NPAS3: variants seen among roughly 807,000 people sequenced by gnomAD.
NPAS3 encodes the protein neuronal PAS domain-containing protein 3.
A neutral mutation model predicts 73.1 loss-of-function variants in NPAS3; 14 were observed. That is an observed-to-expected ratio of 0.19 (90% CI 0.13 to 0.30). The LOEUF (loss-of-function observed/expected upper bound fraction) is 0.30. NPAS3 is among the 10% of genes least tolerant of loss of function. The pLI is 1.00. For missense variants in NPAS3, 1,096 were observed against 1,250.0 expected (o/e 0.88, Z 1.86); for synonymous variants, 620 against 541.5 (o/e 1.14, Z -2.01).
intron 2 of NPAS3, among the ~76,000 whole-genome samples, chr14:33,092,314 A>G (rs575927606): frequency 6.6e-6 from 1 of 152,314 alleles, no homozygotes; most frequent in East Asian, 1.9e-4. Context: ...GAGCATTCTT[A>G]TACACTAATA....
At chr14:33,213,745 AC>A (rs2047120436) in intron 2 of NPAS3, 12 of 152,238 alleles carry the variant, frequency 7.9e-5, no homozygotes, top group Admixed American at 5.9e-4. Flanking sequence ...TCTGAGAAAG[AC>A]ATTTGTTAGC....
chr14:33,228,290 T>C (rs567577058), intron 3 of NPAS3, among the ~76,000 whole-genome samples: 3 of 152,324 alleles, frequency 2.0e-5, no homozygotes, highest in Admixed American at 2.0e-4. Flanking sequence ...ATTTGAAGCA[T>C]TTCTTAGATG....
At chr14:33,134,948 G>A (rs1184052202) in intron 2 of NPAS3, among the ~76,000 whole-genome samples, 1 of 151,906 alleles carries the variant, frequency 6.6e-6, no homozygotes, top group African/African-American at 2.4e-5. Flanking sequence ...CCAACTTTTA[G>A]TTTCAGTGTT....
At chr14:33,497,246 T>C (rs981904696) in intron 4 of NPAS3, among the ~76,000 whole-genome samples, 1 of 152,080 alleles carries the variant, frequency 6.6e-6, no homozygotes, top group African/African-American at 2.4e-5. Flanking sequence ...ATAGGAAGAA[T>C]CAATATCATG....
chr14:33,524,597 A>T (rs2053709795), intron 4 of NPAS3, among the ~76,000 whole-genome samples: 1 of 152,188 alleles, frequency 6.6e-6, no homozygotes, highest in African/African-American at 2.4e-5. Flanking sequence ...TAATAGAAAG[A>T]TGAAATCTGT....
intron 3 of NPAS3, among the ~76,000 whole-genome samples, chr14:33,337,490 C>A (rs572041559): frequency 6.6e-6 from 1 of 152,066 alleles, no homozygotes; most frequent in South Asian, 2.1e-4. Context: ...GATTTCTGTA[C>A]CTTTATAGTA....
intron 2 of NPAS3, among the ~76,000 whole-genome samples, chr14:33,078,216 C>T (rs567318475): frequency 7.2e-4 from 110 of 152,096 alleles, no homozygotes; most frequent in African/African-American, 2.1e-3. Context: ...ACTTGCCTGA[C>T]GGAACTGCGG....
chr14:32,961,449 C>T (rs1458356363), intron 1 of NPAS3, among the ~76,000 whole-genome samples: 2 of 151,246 alleles, frequency 1.3e-5, no homozygotes, highest in Admixed American at 6.6e-5. Context: ...GAATTCATAT[C>T]GGATTGTAGT....
intron 3 of NPAS3, among the ~76,000 whole-genome samples, chr14:33,254,262 C>A (rs1275443280): frequency 6.6e-6 from 1 of 152,038 alleles, no homozygotes; most frequent in Non-Finnish European, 1.5e-5. Context: ...GGATTTCTGT[C>A]CTGTCTGTCC....
intron 1 of NPAS3, among the ~76,000 whole-genome samples, chr14:33,044,165 G>A (rs140455351): frequency 0.014 from 2,059 of 152,258 alleles, 24 homozygotes; most frequent in South Asian, 0.024. Flanking sequence ...GGAGGCCAAC[G>A]TTAACTATAA....
intron 2 of NPAS3, among the ~76,000 whole-genome samples, chr14:33,098,086 A>G (rs1268554055): frequency 1.3e-5 from 2 of 152,192 alleles, no homozygotes; most frequent in Non-Finnish European, 2.9e-5. Flanking sequence ...TAGCATCATG[A>G]AGATGTTTAC....
rs117348963 is a variant in NPAS3 at position 33,170,618 on chromosome 14, G to A, written c.141-44564G>A. On this transcript the variant is annotated intron_variant, in intron 2 of 11. Coordinates refer to ENST00000356141, the Ensembl canonical transcript of NPAS3. Reference sequence around the variant, plus strand: ...ATCCTGCTGCTGCTTTATTAATTAAGTTTGTTATTTGTTGTCACTTCAACA... The same window carrying A: ...ATCCTGCTGCTGCTTTATTAATTAAATTTGTTATTTGTTGTCACTTCAACA... Among the ~76,000 whole-genome samples, 144 of 152,288 alleles carry A rather than the reference G, an allele frequency of 9.5e-4. No individual in the cohort carries two copies. The East Asian group carries it at 0.02, about 21-fold the overall frequency.
chr14:33,733,555 G>C (rs2061450813), intron 6 of NPAS3, among the ~76,000 whole-genome samples: 1 of 152,188 alleles, frequency 6.6e-6, no homozygotes. Flanking sequence ...GATTGGATTA[G>C]AGGGGCAAAT....
chr14:33,575,211 G>A (rs377726967), intron 5 of NPAS3, among the ~76,000 whole-genome samples: 3 of 152,308 alleles, frequency 2.0e-5, no homozygotes, highest in Admixed American at 2.0e-4. Flanking sequence ...AACCACTGCT[G>A]TATGGTCTCC....
chr14:33,278,048 G>A (rs575060809), intron 3 of NPAS3, among the ~76,000 whole-genome samples: 3 of 143,828 alleles, frequency 2.1e-5, no homozygotes, highest in South Asian at 4.2e-4. Context: ...TGAAATTCAG[G>A]TTATATTTTG....
chr14:33,360,297 T>G (rs1448603041), intron 3 of NPAS3, among the ~76,000 whole-genome samples: 1 of 151,490 alleles, frequency 6.6e-6, no homozygotes, highest in Non-Finnish European at 1.5e-5. Context: ...TTCTTTATTC[T>G]GAAGTCGCTT....
At chr14:33,148,251 C>T (rs887659143) in intron 2 of NPAS3, among the ~76,000 whole-genome samples, 1 of 152,112 alleles carries the variant, frequency 6.6e-6, no homozygotes, top group African/African-American at 2.4e-5. Flanking sequence ...GGAGATTCAT[C>T]TATTATCTCA....
intron 5 of NPAS3, among the ~76,000 whole-genome samples, chr14:33,640,818 G>A (rs191635902): frequency 7.7e-4 from 118 of 152,286 alleles, no homozygotes; most frequent in South Asian, 1.7e-3. Flanking sequence ...CATTTACAAA[G>A]CATGATAGAA....
At chr14:33,562,938 A>G (rs2055725859) in intron 5 of NPAS3, among the ~76,000 whole-genome samples, 1 of 148,152 alleles carries the variant, frequency 6.7e-6, no homozygotes, top group African/African-American at 2.6e-5. Context: ...AATGCAAACC[A>G]AATGCTCTGC....
Sources: gnomAD v4.1 joint callset for allele counts (sites outside exome capture counted in the v4.1 genomes callset) on GRCh38, gnomAD v4.1.1 for gene constraint, MANE v1.5 for transcripts, NCBI Gene and HGNC (gene_info 2026-07-23, HGNC 2026-07-21) for gene names.